The following TC2N variants were observed in gnomAD, a reference collection of about 807,000 sequenced individuals.
TC2N encodes the protein tandem C2 domains, nuclear.
Under a neutral mutation model 61.9 loss-of-function variants are expected in TC2N, and 51 were observed. The observed-to-expected ratio is 0.82, with a 90% CI of 0.66 to 1.04. The LOEUF (loss-of-function observed/expected upper bound fraction) is 1.04. Ranked by LOEUF, TC2N falls within the 50% of genes least tolerant of loss-of-function variation. The probability of loss-of-function intolerance (pLI) is 0.00; values close to 1 mark genes in which losing one functional copy is unlikely to be tolerated. For synonymous variants in TC2N, 204 were observed against 192.6 expected, an observed-to-expected ratio of 1.06 and a Z score of -0.49; for missense variants, 556 against 566.7, an observed-to-expected ratio of 0.98 and a Z score of 0.19.
At chr14:91,859,931 C>T (rs2139925939) in intron 1 of TC2N, among the ~76,000 whole-genome samples, 1 of 152,242 alleles carries the variant, frequency 6.6e-6, no homozygotes, top group East Asian at 1.9e-4. Flanking sequence ...GTGGTAGGAG[C>T]TGGAACTGGA....
chr14:91,843,310 T>C (rs1888199935), intron 1 of TC2N, among the ~76,000 whole-genome samples: 1 of 152,066 alleles, frequency 6.6e-6, no homozygotes, highest in African/African-American at 2.4e-5. Context: ...TTTTCTGGAA[T>C]GGAGAATATC....
intron 1 of TC2N, among the ~76,000 whole-genome samples, chr14:91,856,123 C>T (rs953873646): frequency 1.8e-4 from 27 of 152,056 alleles, no homozygotes; most frequent in Non-Finnish European, 2.8e-4. Flanking sequence ...GACAAGGAAA[C>T]GAAAAAGCAC....
intron 3 of TC2N, among the ~76,000 whole-genome samples, chr14:91,809,487 G>A (rs1566772308): frequency 1.3e-5 from 2 of 151,996 alleles, no homozygotes; most frequent in Non-Finnish European, 2.9e-5. Flanking sequence ...ATAAACTCTA[G>A]ACCAAAACTA....
At chr14:91,853,649 TACACACACACACACACAC>T (rs71123304) in intron 1 of TC2N, among the ~76,000 whole-genome samples, 9 of 103,046 alleles carry the variant, frequency 8.7e-5, no homozygotes, top group African/African-American at 3.6e-4. Context: ...TTTTTTAAAG[TACACACACACACACACAC>T]ACACACACAC....
intron 1 of TC2N, among the ~76,000 whole-genome samples, chr14:91,850,606 C>T (rs940179310): frequency 2.6e-5 from 4 of 152,328 alleles, no homozygotes; most frequent in African/African-American, 7.2e-5. Flanking sequence ...GAACTGCGCA[C>T]GTGAGGGATC....
intron 1 of TC2N, among the ~76,000 whole-genome samples, chr14:91,840,014 A>T (rs1464238734): frequency 6.6e-6 from 1 of 152,212 alleles, no homozygotes; most frequent in Non-Finnish European, 1.5e-5. Context: ...TCACTTCTGC[A>T]TCTAGGCAAC....
At chr14:91,827,913 T>C (rs1595261806) in intron 1 of TC2N, among the ~76,000 whole-genome samples, 1 of 152,246 alleles carries the variant, frequency 6.6e-6, no homozygotes, top group Admixed American at 6.5e-5. Context: ...TTAGGCATGA[T>C]GTCATCATTG....
intron 1 of TC2N, among the ~76,000 whole-genome samples, chr14:91,853,125 A>G (rs993481589): frequency 6.6e-6 from 1 of 151,970 alleles, no homozygotes; most frequent in African/African-American, 2.4e-5. Flanking sequence ...GGCTGTTATT[A>G]AACATTTGCT....
In TC2N at chr14:91,783,046, C is replaced by A. The variant is rs1885197348; in HGVS notation, c.*54G>T. On this transcript the variant is annotated 3_prime_UTR_variant, in exon 12 of 12. Coordinates refer to ENST00000435962, the MANE Select transcript of TC2N (RefSeq NM_001128596.3). ...CTTCTCATTGGTAGCAAATTGAAAT[C>A]ATAAGTCTTCTAAAAGAATGTCAAG... is the stretch of plus-strand genomic sequence containing the variant. 6.8e-6 allele frequency: 8 copies of A among 1,178,684 alleles called. No individual in the cohort carries two copies. The highest frequency in any genetic ancestry group is 1.0e-5 in the Non-Finnish European group (8 of 796,878). The allele number at this position is 1,178,684 out of a possible 1,614,324, so 73.0% of individuals were successfully genotyped here.
At chr14:91,859,714 G>A (rs1263487186) in intron 1 of TC2N, among the ~76,000 whole-genome samples, 1 of 152,226 alleles carries the variant, frequency 6.6e-6, no homozygotes, top group Non-Finnish European at 1.5e-5. Context: ...ACAGACCACA[G>A]AGGTCAGGGA....
In TC2N at chr14:91,780,981, T is replaced by C. The variant is rs1320274797; in HGVS notation, c.*2119A>G. ...TTTAAATGTAAGGGTTTTCTTTTTA[T>C]TGTTTTATTTACCTAGGATTCTAAG... On this transcript the variant is annotated 3_prime_UTR_variant, in exon 12 of 12. Transcript: ENST00000435962. 1 of 151,910 alleles carries C rather than the reference T, an allele frequency of 6.6e-6. No homozygotes were observed. Among genetic ancestry groups the C allele is most frequent in the Non-Finnish European group, 1.5e-5 (1 of 67,996 alleles). The allele number at this position is 151,910 out of a possible 1,614,324, so 9.4% of individuals were successfully genotyped here.
intron 1 of TC2N, among the ~76,000 whole-genome samples, chr14:91,865,211 T>C (rs1888671192): frequency 6.8e-6 from 1 of 146,182 alleles, no homozygotes; most frequent in African/African-American, 2.6e-5. Context: ...ACCTATTTTC[T>C]CACTTTAATG....
rs538990507 is a variant in TC2N at position 91,837,679 on chromosome 14, G to A, written c.-56-23854C>T. Among the ~76,000 whole-genome samples the A allele has an allele frequency of 5.3e-5, 8 of 152,342 alleles. No homozygotes were observed. In the South Asian group the frequency reaches 1.7e-3, roughly 32 times the overall value. On this transcript the variant is annotated intron_variant, in intron 1 of 11. Transcript: ENST00000435962. The surrounding 1 kb of genome is among the most constrained non-coding windows in gnomAD (Gnocchi z 4.2). ...GGGTAGATCACCAGATCACATTAAT[G>A]TGGGGGAGAGAGACACAAAATATTT...
At chr14:91,855,418 T>C (rs1888464858) in intron 1 of TC2N, among the ~76,000 whole-genome samples, 1 of 152,196 alleles carries the variant, frequency 6.6e-6, no homozygotes, top group African/African-American at 2.4e-5. Flanking sequence ...TCCTAGCTTC[T>C]GTTGGTCATG....
intron 1 of TC2N, among the ~76,000 whole-genome samples, chr14:91,857,708 T>C (rs762837922): frequency 2.0e-5 from 3 of 152,142 alleles, no homozygotes; most frequent in Admixed American, 6.6e-5. Flanking sequence ...CAGCATTCCT[T>C]CCACTATTGG....
chr14:91,813,691 A>T lies in TC2N; in HGVS notation c.67+12T>A. The T allele has an allele frequency of 6.3e-7, 1 of 1,581,242 alleles. No homozygotes were observed. The highest frequency in any genetic ancestry group is 8.7e-7 in the Non-Finnish European group (1 of 1,151,926). ...GCTACATAAATGTTACTGAAGTCAA[A>T]ATAAAACTCACAGTTGTGTTTTTCT... On this transcript the variant is annotated intron_variant, in intron 2 of 11. Coordinates refer to ENST00000435962, the MANE Select transcript of TC2N (RefSeq NM_001128596.3).
At position 91,789,806 on chromosome 14, in the gene TC2N, T is replaced by G. The variant is rs148099577; in HGVS notation, c.1048-2179A>C. ...TAAAATTCCAATCAATTAGCAGTTA[T>G]GTATTGCCTGCATTTAATAAGCACA... On this transcript the variant is annotated intron_variant, in intron 9 of 11. Transcript: ENST00000435962. 7.7e-3 allele frequency among the ~76,000 whole-genome samples: 1,169 copies of G among 152,330 alleles called. 19 individuals are homozygous for G. Among genetic ancestry groups the G allele is most frequent in the African/African-American group, 0.026 (1,097 of 41,554 alleles).
At chr14:91,811,752 A>G (rs984369491) in intron 3 of TC2N, among the ~76,000 whole-genome samples, 5 of 152,086 alleles carry the variant, frequency 3.3e-5, no homozygotes, top group Non-Finnish European at 2.9e-5. Flanking sequence ...CCCTCAGTAT[A>G]TGTGGGGGAT....
chr14:91,864,777 CTTTTTTTT>C (rs5810557), intron 1 of TC2N, among the ~76,000 whole-genome samples: 2 of 70,800 alleles, frequency 2.8e-5, no homozygotes, highest in Non-Finnish European at 6.1e-5. Flanking sequence ...CTGCCTTCAT[CTTTTTTTT>C]TTTTTTTTTT....
Sources: gnomAD v4.1 joint callset for allele counts (sites outside exome capture counted in the v4.1 genomes callset) on GRCh38, gnomAD v4.1.1 for gene constraint, Gnocchi (gnomAD v3.1) non-coding constraint, MANE v1.5 for transcripts, NCBI Gene and HGNC (gene_info 2026-07-23, HGNC 2026-07-21) for gene names.